The following UTRN variants were observed in gnomAD, a reference collection of about 807,000 sequenced individuals.
The protein encoded by UTRN is utrophin, also known as dystrophin-related protein 1.
A neutral mutation model predicts 463.9 loss-of-function variants in UTRN; 283 were observed. That is an observed-to-expected ratio of 0.61 (90% confidence interval 0.55 to 0.67). The LOEUF (loss-of-function observed/expected upper bound fraction) is 0.67, where lower values mean the gene tolerates loss of function less well. Among genes scored for constraint, UTRN ranks in the 30% least tolerant of loss-of-function variants. The probability of loss-of-function intolerance (pLI) is 0.00; values close to 1 mark genes in which losing one functional copy is unlikely to be tolerated. For missense variants in UTRN, 3,922 were observed against 4,084.3 expected (o/e 0.96, Z 1.08); for synonymous variants, 1,442 against 1,431.5 (o/e 1.01, Z -0.17).
chr6:144,291,635 A>G, intron 1 of UTRN, 102 bp from the exon 2 acceptor site: 1 of 415,992 alleles, frequency 2.4e-6, no homozygotes, highest in Non-Finnish European at 4.2e-6. Context: ...TACACGTGGT[A>G]GGCACTCAAT....
chr6:144,492,908 G>A (rs921215993), intron 32 of UTRN, among the ~76,000 whole-genome samples: 4 of 152,180 alleles, frequency 2.6e-5, no homozygotes, highest in Admixed American at 2.6e-4. Context: ...GACAGCAGTA[G>A]CCAGTGTTGG....
Position 144,675,819 on chromosome 6 carries a change from G to T in UTRN, c.7480-2587G>T, listed in dbSNP as rs113551407. 2.3e-3 allele frequency among the ~76,000 whole-genome samples: 344 copies of T among 152,218 alleles called. 1 individual carries two copies. The highest frequency in any genetic ancestry group is 4.0e-3 in the Non-Finnish European group (273 of 68,004). The stretch of plus-strand genomic sequence containing the variant: ...TGGTATGTTCCTGCAGTGGTTCTTG[G>T]AGCGAAAGTTCACGGTGTGAGTCTC... On this transcript the variant is annotated intron_variant, in intron 51 of 74. Transcript: ENST00000367545.
intron 2 of UTRN, among the ~76,000 whole-genome samples, chr6:144,346,629 C>G (rs1777591321): frequency 6.6e-6 from 1 of 152,274 alleles, no homozygotes; most frequent in South Asian, 2.1e-4. Flanking sequence ...AGGCCAGGAG[C>G]CTGGCCAATG....
At chr6:144,379,783 G>A (rs1262919931) in intron 2 of UTRN, among the ~76,000 whole-genome samples, 1 of 152,200 alleles carries the variant, frequency 6.6e-6, no homozygotes, top group Non-Finnish European at 1.5e-5. Context: ...GGTTTGGGCT[G>A]GAAATAAGAC....
chr6:144,842,426 C>CA (rs1270544358), intron 73 of UTRN, among the ~76,000 whole-genome samples: 4 of 151,590 alleles, frequency 2.6e-5, no homozygotes, highest in Admixed American at 1.3e-4. Flanking sequence ...CTAAAAATAC[C>CA]AAAAAAATTT....
At chr6:144,305,361 A>G (rs1805632325) in intron 2 of UTRN, among the ~76,000 whole-genome samples, 1 of 152,206 alleles carries the variant, frequency 6.6e-6, no homozygotes, top group African/African-American at 2.4e-5. Flanking sequence ...AAAAATTTTT[A>G]TGGAAATTAT....
chr6:144,368,525 G>A (rs1333511878), intron 2 of UTRN, among the ~76,000 whole-genome samples: 2 of 151,990 alleles, frequency 1.3e-5, no homozygotes, highest in African/African-American at 4.8e-5. Flanking sequence ...TAATCCCAGC[G>A]CTTTGGGAGG....
intron 2 of UTRN, among the ~76,000 whole-genome samples, chr6:144,325,394 C>A (rs1225741417): frequency 6.6e-6 from 1 of 152,116 alleles, no homozygotes; most frequent in African/African-American, 2.4e-5. Context: ...GTGTATCCTG[C>A]CCTTTCACCT....
At chr6:144,434,109 G>A (rs1786272063) in intron 9 of UTRN, among the ~76,000 whole-genome samples, 1 of 152,254 alleles carries the variant, frequency 6.6e-6, no homozygotes, top group African/African-American at 2.4e-5. Flanking sequence ...GGGAGGCCGA[G>A]GCTGGCGGAT....
At chr6:144,839,345 G>T in intron 72 of UTRN, 61 bp downstream of exon 72, 1 of 1,399,332 alleles carries the variant, frequency 7.1e-7, no homozygotes. Context: ...CCATTAGTTT[G>T]TGTTTCCTGT....
intron 17 of UTRN, among the ~76,000 whole-genome samples, chr6:144,450,488 C>A (rs1020476796): frequency 2.0e-5 from 3 of 152,186 alleles, no homozygotes; most frequent in African/African-American, 7.2e-5. Context: ...GCCATCCATG[C>A]CCCAATTGGA....
At chr6:144,429,869 A>T (rs1415949251) in intron 9 of UTRN, 128 bp downstream of exon 9, 2 of 972,626 alleles carry the variant, frequency 2.1e-6, no homozygotes, top group Non-Finnish European at 3.0e-6. Flanking sequence ...TTACATTTGC[A>T]TAAGAAGTTC....
At chr6:144,410,021 T>C (rs145991451) in intron 3 of UTRN, among the ~76,000 whole-genome samples, 129 of 152,326 alleles carry the variant, frequency 8.5e-4, no homozygotes, top group African/African-American at 2.9e-3. Context: ...CTTGTTGTGA[T>C]AGTCTCTTGT....
chr6:144,555,113 C>T (rs1799262987), intron 49 of UTRN, among the ~76,000 whole-genome samples: 1 of 152,142 alleles, frequency 6.6e-6, no homozygotes, highest in Non-Finnish European at 1.5e-5. Context: ...AGATTTATAG[C>T]TCACTGACTT....
intron 2 of UTRN, among the ~76,000 whole-genome samples, chr6:144,327,392 G>A (rs536399306): frequency 1.8e-4 from 27 of 152,220 alleles, no homozygotes; most frequent in African/African-American, 6.5e-4. Flanking sequence ...CCCACATAAC[G>A]CAACCAGGGC....
intron 60 of UTRN, among the ~76,000 whole-genome samples, chr6:144,781,022 T>C (rs1274438810): frequency 1.3e-5 from 2 of 152,318 alleles, no homozygotes; most frequent in South Asian, 2.1e-4. Flanking sequence ...ATTCCTCTCA[T>C]AGGGCATGTT....
At chr6:144,779,442 T>C (rs567321923) in intron 60 of UTRN, among the ~76,000 whole-genome samples, 1 of 152,334 alleles carries the variant, frequency 6.6e-6, no homozygotes, top group African/African-American at 2.4e-5. Flanking sequence ...TATACTCTTA[T>C]TCTACAACAA....
chr6:144,546,059 C>T (rs1165633055), intron 46 of UTRN, among the ~76,000 whole-genome samples: 1 of 152,082 alleles, frequency 6.6e-6, no homozygotes, highest in Non-Finnish European at 1.5e-5. Context: ...ATAATAGGTT[C>T]TTAATAGGTA....
At chr6:144,821,132 A>G (rs1779563267) in intron 66 of UTRN, 114 bp downstream of exon 66, 6 of 1,292,850 alleles carry the variant, frequency 4.6e-6, no homozygotes, top group African/African-American at 1.5e-5. Flanking sequence ...TAGAGGAGGT[A>G]AATTAAACTT....
Sources: allele counts gnomAD v4.1 joint callset (sites outside exome capture counted in the v4.1 genomes callset), GRCh38; gene constraint gnomAD v4.1.1; transcripts MANE v1.5; gene names NCBI Gene and HGNC (gene_info 2026-07-23, HGNC 2026-07-21).